RUVBL1: variants seen among roughly 807,000 people sequenced by gnomAD.
The protein encoded by RUVBL1 is ruvB-like 1.
RUVBL1 carries 4 observed loss-of-function variants against 52.4 expected under a neutral mutation model. The ratio of observed to expected loss-of-function variants is 0.08; its 90% CI spans 0.04 to 0.17. The LOEUF (loss-of-function observed/expected upper bound fraction) is 0.17. Among genes scored for constraint, RUVBL1 ranks in the 10% least tolerant of loss-of-function variants. The pLI, the probability that RUVBL1 is intolerant of heterozygous loss-of-function variation, is 1.00. For synonymous variants in RUVBL1, 217 were observed against 214.4 expected (o/e 1.01, Z -0.10); for missense variants, 298 against 572.8 (o/e 0.52, Z 4.90).
intron 9 of RUVBL1, chr3:128,069,709 G>A (rs779854182): frequency 6.5e-7 from 1 of 1,549,474 alleles, no homozygotes; most frequent in East Asian, 2.3e-5. Context: ...AAGCGCCTCG[G>A]AAGGGGAGCT....
chr3:128,065,908 A>T (rs2107649167), intron 9 of RUVBL1, among the ~76,000 whole-genome samples: 1 of 150,356 alleles, frequency 6.7e-6, no homozygotes, highest in South Asian at 2.1e-4. Flanking sequence ...CGCCCGGCTA[A>T]TTTTTTTTTA....
chr3:128,081,438 T>C lies in RUVBL1; in HGVS notation c.1212-29A>G. On this transcript the variant is annotated intron_variant, in intron 10 of 10. Coordinates refer to ENST00000322623, the MANE Select transcript of RUVBL1 (RefSeq NM_003707.3). This position sits in a 1 kb window ranked among gnomAD's most constrained non-coding sequence, Gnocchi z 4.8. ...GAGTGGACAGGGGCCAGGGCTGGAGTGAAACTGGGGCCACCGAAGAAAGCA... is the reference window on the plus strand; with the variant it reads ...GAGTGGACAGGGGCCAGGGCTGGAGCGAAACTGGGGCCACCGAAGAAAGCA... 6.3e-7 allele frequency: 1 copy of C among 1,593,714 alleles called. No homozygotes were observed. The highest frequency in any genetic ancestry group is 8.6e-7 in the Non-Finnish European group (1 of 1,165,898).
At chr3:128,078,442 A>C (rs545084128), downstream of RUVBL1, among the ~76,000 whole-genome samples, 11 of 152,254 alleles carry the variant, frequency 7.2e-5, no homozygotes, top group African/African-American at 2.4e-4. Flanking sequence ...TCCCAGTCTC[A>C]CAAGTATCTC....
At chr3:128,096,996 T>C (rs1409863897) in intron 8 of RUVBL1, among the ~76,000 whole-genome samples, 2 of 152,172 alleles carry the variant, frequency 1.3e-5, no homozygotes, top group East Asian at 3.9e-4. Context: ...TTCATGTGTA[T>C]AATGTCATCA....
intron 4 of RUVBL1, 150 bp from the exon 5 acceptor site, chr3:128,101,798 G>C (rs1027271573): frequency 9.8e-6 from 7 of 717,590 alleles, no homozygotes; most frequent in Non-Finnish European, 1.7e-5. Context: ...GGACCTGCAG[G>C]AGTGTGAATG....
At position 128,122,864 on chromosome 3, in the gene RUVBL1, C is replaced by T. The variant is rs145107630; in HGVS notation, c.141+720G>A. Among the ~76,000 whole-genome samples, 538 of 152,226 alleles carry T rather than the reference C, an allele frequency of 3.5e-3. 1 individual carries two copies. The highest frequency in any genetic ancestry group is 0.012 in the African/African-American group (500 of 41,522). On this transcript the variant is annotated intron_variant, in intron 1 of 10. Coordinates refer to ENST00000322623, the MANE Select transcript of RUVBL1 (RefSeq NM_003707.3). The stretch of plus-strand genomic sequence containing the variant: ...GAGTGTCAAGCATATACGTGAAGTG[C>T]CCTCTCCCCAACTCAATATTTTCAC...
intron 1 of RUVBL1, among the ~76,000 whole-genome samples, chr3:128,120,935 G>A (rs1348660957): frequency 6.6e-6 from 1 of 151,210 alleles, no homozygotes; most frequent in African/African-American, 2.4e-5. Context: ...GAACCGAGAT[G>A]GCGCCACTGC....
At chr3:128,119,153 T>A (rs1228725706) in intron 2 of RUVBL1, among the ~76,000 whole-genome samples, 175 bp downstream of exon 2, 6 of 152,214 alleles carry the variant, frequency 3.9e-5, no homozygotes, top group Non-Finnish European at 7.3e-5. Context: ...CAGGATAATT[T>A]GAATTTTAGA....
In RUVBL1 at chr3:128,123,736, C is replaced by G; in HGVS notation, c.-12G>C. 1 of 1,593,914 alleles carries G rather than the reference C, an allele frequency of 6.3e-7. No homozygotes were observed. Among genetic ancestry groups the G allele is most frequent in the Non-Finnish European group, 8.6e-7 (1 of 1,166,736 alleles). On this transcript the variant is annotated 5_prime_UTR_variant, in exon 1 of 11. Coordinates refer to ENST00000322623, the MANE Select transcript of RUVBL1 (RefSeq NM_003707.3). ...TCCTCAATCTTCATTTTGCAGACGC[C>G]GGGAGCTAAAACCAGCGTGGAAAAC...
Position 128,081,204 on chromosome 3 carries a change from C to G in RUVBL1, c.*46G>C, listed in dbSNP as rs1353786123. 4.4e-6 allele frequency: 7 copies of G among 1,585,814 alleles called. No individual in the cohort carries two copies. The South Asian group carries it at 8.0e-5, about 18-fold the overall frequency. On this transcript the variant is annotated 3_prime_UTR_variant, in exon 11 of 11. Transcript: ENST00000322623. This position sits in a 1 kb window ranked among gnomAD's most constrained non-coding sequence, Gnocchi z 4.8. The stretch of plus-strand genomic sequence containing the variant: ...CAAGCGCCCACAGGCTGGACCCAGG[C>G]CAGGCACACCTGGGGAGTCTCTTAC...
At chr3:128,115,854 G>A (rs548561429) in intron 2 of RUVBL1, among the ~76,000 whole-genome samples, 34 of 152,158 alleles carry the variant, frequency 2.2e-4, no homozygotes, top group Non-Finnish European at 4.0e-4. Context: ...GACTGGGCAC[G>A]GTGGCTCAAG....
chr3:128,146,845 G>A (rs1035132760), intron 1 of RUVBL1, among the ~76,000 whole-genome samples: 5 of 149,542 alleles, frequency 3.3e-5, no homozygotes, highest in East Asian at 2.0e-4. Flanking sequence ...ACTTGTGTGC[G>A]TTTGTGTCTC....
At chr3:128,119,039 A>G (rs1943586317) in intron 2 of RUVBL1, among the ~76,000 whole-genome samples, 1 of 152,216 alleles carries the variant, frequency 6.6e-6, no homozygotes. Context: ...AGGCCAACAG[A>G]AATGTATTTC....
intron 9 of RUVBL1, chr3:128,069,891 C>T: frequency 3.7e-6 from 2 of 534,726 alleles, no homozygotes; most frequent in Non-Finnish European, 6.7e-6. Context: ...CAGCCGACTG[C>T]CAGAGAAGTG....
intron 9 of RUVBL1, chr3:128,084,382 G>A (rs898204108): frequency 6.6e-6 from 1 of 152,252 alleles, no homozygotes; most frequent in African/African-American, 2.4e-5. Context: ...CAGCTTCAAG[G>A]TAAAAACGGC....
intron 1 of RUVBL1, among the ~76,000 whole-genome samples, chr3:128,152,219 C>T (rs779195557): frequency 2.0e-5 from 3 of 152,238 alleles, no homozygotes; most frequent in South Asian, 2.1e-4. Context: ...TGAGAGTTGT[C>T]GACCCTCTGT....
chr3:128,140,844 A>G (rs1225384559), intron 1 of RUVBL1, among the ~76,000 whole-genome samples: 1 of 152,224 alleles, frequency 6.6e-6, no homozygotes, highest in Non-Finnish European at 1.5e-5. Context: ...GATTAAAAAA[A>G]TGTATATTTA....
chr3:128,065,040 G>T, exon 10 of RUVBL1: 1 of 1,614,226 alleles, frequency 6.2e-7, no homozygotes, highest in Non-Finnish European at 8.5e-7. Context: ...ATTTCCAGGT[G>T]TGTCCAGATC....
intron 1 of RUVBL1, among the ~76,000 whole-genome samples, chr3:128,130,956 T>G (rs1369193645): frequency 6.6e-6 from 1 of 151,948 alleles, no homozygotes; most frequent in Non-Finnish European, 1.5e-5. Context: ...GGCCTTTATT[T>G]TTTTTCAATT....
Sources: gnomAD v4.1 joint callset for allele counts (sites outside exome capture counted in the v4.1 genomes callset) on GRCh38, gnomAD v4.1.1 for gene constraint, Gnocchi (gnomAD v3.1) non-coding constraint, MANE v1.5 for transcripts, NCBI Gene and HGNC (gene_info 2026-07-23, HGNC 2026-07-21) for gene names.